PIEZO1: variants seen among roughly 807,000 people sequenced by gnomAD.
The protein encoded by PIEZO1 is piezo type mechanosensitive ion channel component 1 (Er blood group), also known as piezo-type mechanosensitive ion channel component 1.
Under a neutral mutation model 297.2 loss-of-function variants are expected in PIEZO1, and 296 were observed. That is an observed-to-expected ratio of 1.00 (90% CI 0.91 to 1.10). The LOEUF (loss-of-function observed/expected upper bound fraction) is 1.10, where lower values mean the gene tolerates loss of function less well. Ranked by LOEUF, PIEZO1 falls within the 50% of genes least tolerant of loss-of-function variation. PIEZO1 has a pLI of 0.00. For synonymous variants in PIEZO1, 2,427 were observed against 1,507.5 expected (o/e 1.61, Z -14.13); for missense variants, 5,018 against 3,455.5 (o/e 1.45, Z -11.34).
At chr16:88,729,985 C>T (rs1363312033) in intron 22 of PIEZO1, among the ~76,000 whole-genome samples, 1 of 152,278 alleles carries the variant, frequency 6.6e-6, no homozygotes, top group African/African-American at 2.4e-5. Context: ...CTGCATGGCG[C>T]AGCCGCGTGG....
intron 1 of PIEZO1, among the ~76,000 whole-genome samples, chr16:88,779,987 C>T (rs1907856303): frequency 6.6e-6 from 1 of 152,212 alleles, no homozygotes; most frequent in African/African-American, 2.4e-5. Context: ...TTGGAAGCGG[C>T]TGTGAAGCTT....
intron 1 of PIEZO1, among the ~76,000 whole-genome samples, chr16:88,775,595 G>T (rs1439370103): frequency 6.6e-6 from 1 of 152,072 alleles, no homozygotes; most frequent in African/African-American, 2.4e-5. Context: ...CGGGTGTGGT[G>T]GTGGGCACCT....
intron 1 of PIEZO1, among the ~76,000 whole-genome samples, chr16:88,768,460 G>T (rs1907276034): frequency 6.6e-6 from 1 of 152,226 alleles, no homozygotes; most frequent in African/African-American, 2.4e-5. Context: ...TGGAAAAAGG[G>T]GAGTGAGAAA....
intron 44 of PIEZO1, 117 bp downstream of exon 44, chr16:88,719,457 G>T: frequency 3.1e-6 from 3 of 968,704 alleles, no homozygotes; most frequent in South Asian, 1.6e-5. Flanking sequence ...GTCCCCATGG[G>T]CTCCGAGCCC....
At chr16:88,780,897 T>C (rs1396293660) in intron 1 of PIEZO1, among the ~76,000 whole-genome samples, 1 of 152,168 alleles carries the variant, frequency 6.6e-6, no homozygotes, top group Non-Finnish European at 1.5e-5. Flanking sequence ...GCTGAAGTTG[T>C]AGGGAGCCAA....
At chr16:88,764,534 T>C (rs1313065434) in intron 1 of PIEZO1, among the ~76,000 whole-genome samples, 1 of 151,978 alleles carries the variant, frequency 6.6e-6, no homozygotes, top group African/African-American at 2.4e-5. Flanking sequence ...GGGTGGATCA[T>C]GAGGTCAGGA....
At position 88,726,595 on chromosome 16, in the gene PIEZO1, C is replaced by A; in HGVS notation, c.3748G>T (p.Val1250Phe). 1 of 1,550,042 alleles carries A rather than the reference C, an allele frequency of 6.5e-7. No homozygotes were observed. Among genetic ancestry groups the A allele is most frequent in the Non-Finnish European group, 8.7e-7 (1 of 1,146,832 alleles). Residue 1250 changes from valine (V) to phenylalanine (F), a missense_variant, in exon 26 of 51, where the codon GTC becomes TTC. Val to Phe is a conservative substitution (Grantham distance 50, BLOSUM62 -1). Transcript: ENST00000301015. ...CATACAAGGCTGAAGAGCTGGATGA[C>A]CCAGCAGAAGCCGGTCTGCATCTGC... ...VEQMQTGFCW[V>F]IQLFSLVCTV...
At chr16:88,772,140 C>T (rs1907453543) in intron 1 of PIEZO1, among the ~76,000 whole-genome samples, 2 of 152,228 alleles carry the variant, frequency 1.3e-5, no homozygotes, top group Non-Finnish European at 2.9e-5. Context: ...CCACCTGCGG[C>T]CCCAGGCCCT....
In PIEZO1 at chr16:88,715,532, G is replaced by A. The variant is rs1264518983; in HGVS notation, c.*73C>T. 3 of 1,439,846 alleles carry A rather than the reference G, an allele frequency of 2.1e-6. No homozygotes were observed. The highest frequency in any genetic ancestry group is 2.8e-6 in the Non-Finnish European group (3 of 1,064,944). 89.2% of individuals were successfully genotyped at this position (1,439,846 alleles called of 1,614,324 possible). The stretch of plus-strand genomic sequence containing the variant: ...GACGGGGCAGTGGCTCCCCCGGCCT[G>A]AGGAGTGCCGCCCCTTGTGGCCACG... On this transcript the variant is annotated 3_prime_UTR_variant, in exon 51 of 51. Coordinates refer to ENST00000301015, the MANE Select transcript of PIEZO1 (RefSeq NM_001142864.4).
At chr16:88,782,069 G>A (rs565999379) in intron 1 of PIEZO1, among the ~76,000 whole-genome samples, 2 of 152,348 alleles carry the variant, frequency 1.3e-5, no homozygotes, top group South Asian at 4.1e-4. Context: ...TGATAGAACT[G>A]GAGGTGCGGT....
At chr16:88,761,498 G>A (rs74033398) in intron 1 of PIEZO1, among the ~76,000 whole-genome samples, 8,872 of 152,294 alleles carry the variant, frequency 0.058, 315 homozygotes, top group Middle Eastern at 0.085. Flanking sequence ...GCCGCCTTCC[G>A]GTCCCCACAC....
At chr16:88,755,686 C>CG (rs1906619791) in intron 1 of PIEZO1, among the ~76,000 whole-genome samples, 1 of 152,090 alleles carries the variant, frequency 6.6e-6, no homozygotes, top group African/African-American at 2.4e-5. Flanking sequence ...CGCCTTTTCA[C>CG]CGAACGGTGG....
chr16:88,736,178 G>C lies in PIEZO1; in HGVS notation c.1527C>G (p.Thr509=). ...VSLRQLGLEH[T]RYPCLDLGAM... ...CACCAAGGTCCAGACAGGGGTAGCG[G>C]GTGTGCTCCAGCCCCAGCTGGCGCA... The change falls in exon 12 of 51, where the codon ACC becomes ACG. Residue 509 remains threonine (T), a synonymous_variant. Transcript: ENST00000301015. 2 of 1,548,762 alleles carry C rather than the reference G, an allele frequency of 1.3e-6. No homozygotes were observed. Among genetic ancestry groups the C allele is most frequent in the Non-Finnish European group, 1.7e-6 (2 of 1,146,454 alleles).
rs1484864193 is a variant in PIEZO1, at chr16:88,733,504, G to GTGGGGC, written c.2488-56_2488-51dup. 8 of 1,533,026 alleles carry GTGGGGC rather than the reference G, an allele frequency of 5.2e-6. 1 individual carries two copies. In the East Asian group the frequency reaches 1.5e-4, roughly 28 times the overall value. The allele number at this position is 1,533,026 out of a possible 1,614,324, so 95.0% of individuals were successfully genotyped here. A position where few individuals can be genotyped will look rare whatever the true frequency, so the allele number is the denominator to read the frequency against. On this transcript the variant is annotated intron_variant, in intron 18 of 50. Transcript: ENST00000301015. ...TGGGCTTGGGGAGGGCAGTGGGCAC[G>GTGGGGC]TGGGGCTGGGCTTGGGGAGGCCAGC...
At position 88,749,050 on chromosome 16, in the gene PIEZO1, T is replaced by G. The variant is rs11643820; in HGVS notation, c.160+334A>C. 1.7e-3 allele frequency among the ~76,000 whole-genome samples: 262 copies of G among 150,684 alleles called. 1 individual carries two copies. The highest frequency in any genetic ancestry group is 2.7e-3 in the Non-Finnish European group (181 of 67,760). On this transcript the variant is annotated intron_variant, in intron 2 of 50. Transcript: ENST00000301015. ...CAGGAGATCGAGACCATCCTGGCTA[T>G]CACGGTGAAACCCCGTCTCTACTAA... is the stretch of plus-strand genomic sequence containing the variant.
rs4782429 is a variant in PIEZO1 at position 88,725,689 on chromosome 16, A to G, written c.3969-5T>C. On this transcript the variant is annotated splice_polypyrimidine_tract_variant and splice_region_variant and intron_variant, in intron 27 of 50. Transcript: ENST00000301015. Reference sequence around the variant, plus strand: ...GCGTTGTAGAGGGCGAAGCCCCTGTAGGGAGGCGGGGATGGGGTGTGAGCA... The same window carrying G: ...GCGTTGTAGAGGGCGAAGCCCCTGTGGGGAGGCGGGGATGGGGTGTGAGCA... 0.88 allele frequency: 1,325,904 copies of G among 1,510,188 alleles called. 583,216 individuals are homozygous for G. Among genetic ancestry groups the G allele is most frequent in the African/African-American group, 0.94 (68,112 of 72,326 alleles). The allele number at this position is 1,510,188 out of a possible 1,614,324, so 93.5% of individuals were successfully genotyped here.
At chr16:88,734,604 C>G (rs568566636) in intron 15 of PIEZO1, 46 bp downstream of exon 15, 9 of 1,548,870 alleles carry the variant, frequency 5.8e-6, no homozygotes, top group Non-Finnish European at 7.9e-6. Flanking sequence ...CGGGGAAGTG[C>G]ACGGGGTTTC....
chr16:88,738,548 C>T lies in PIEZO1; in HGVS notation c.634+20G>A, dbSNP rs1567676451. 5 of 1,530,958 alleles carry T rather than the reference C, an allele frequency of 3.3e-6. No homozygotes were observed. The highest frequency in any genetic ancestry group is 1.7e-6 in the Non-Finnish European group (2 of 1,143,108). The allele number at this position is 1,530,958 out of a possible 1,614,324, so 94.8% of individuals were successfully genotyped here. A position where few individuals can be genotyped will look rare whatever the true frequency, so the allele number is the denominator to read the frequency against. ...ACCCCTCCCAGTGTGACTGCCAGTGCCCCCTGCCTCGGTGCGTACCTGCCA... is the reference window on the plus strand; with the variant it reads ...ACCCCTCCCAGTGTGACTGCCAGTGTCCCCTGCCTCGGTGCGTACCTGCCA... On this transcript the variant is annotated intron_variant, in intron 6 of 50. Coordinates refer to ENST00000301015, the MANE Select transcript of PIEZO1 (RefSeq NM_001142864.4).
chr16:88,730,355 G>A (rs919727097), intron 22 of PIEZO1, among the ~76,000 whole-genome samples: 8 of 65,442 alleles, frequency 1.2e-4, no homozygotes, highest in African/African-American at 4.6e-4. Context: ...AGGGAGGCCT[G>A]TAATTTGGGA....
Sources: allele counts gnomAD v4.1 joint callset (sites outside exome capture counted in the v4.1 genomes callset), GRCh38; gene constraint gnomAD v4.1.1; transcripts MANE v1.5; gene names NCBI Gene and HGNC (gene_info 2026-07-23, HGNC 2026-07-21).